The following VTCN1 variants were observed in gnomAD, a reference collection of about 807,000 sequenced individuals.
The protein encoded by VTCN1 is V-set domain containing T cell activation inhibitor 1.
VTCN1 carries 26 observed loss-of-function variants against 26.5 expected under a neutral mutation model. That is an observed-to-expected ratio of 0.98 (90% CI 0.72 to 1.36). The LOEUF (loss-of-function observed/expected upper bound fraction) is 1.36. Among genes scored for constraint, VTCN1 ranks in the 40% most tolerant of loss-of-function variants. The pLI, the probability that VTCN1 is intolerant of heterozygous loss-of-function variation, is 0.00. For synonymous variants in VTCN1, 116 were observed against 130.7 expected (o/e 0.89, Z 0.77); for missense variants, 298 against 337.7 (o/e 0.88, Z 0.92).
At chr1:117,185,847 G>A (rs1472911613) in intron 1 of VTCN1, among the ~76,000 whole-genome samples, 1 of 152,008 alleles carries the variant, frequency 6.6e-6, no homozygotes, top group Non-Finnish European at 1.5e-5. Flanking sequence ...ACTTCAAGTT[G>A]TCCCACCTTT....
intron 1 of VTCN1, among the ~76,000 whole-genome samples, chr1:117,181,840 G>C (rs1005920679): frequency 6.6e-6 from 1 of 152,152 alleles, no homozygotes; most frequent in Non-Finnish European, 1.5e-5. Flanking sequence ...ATCAGTCAGC[G>C]TGGTCATCAG....
Position 117,146,813 on chromosome 1 carries a change from C to T in VTCN1, c.*45+800G>A, listed in dbSNP as rs954420356. 2.6e-5 allele frequency among the ~76,000 whole-genome samples: 4 copies of T among 152,068 alleles called. No individual in the cohort carries two copies. The highest frequency in any genetic ancestry group is 2.1e-4 in the South Asian group (1 of 4,822). On this transcript the variant is annotated intron_variant, in intron 5 of 5. Transcript: ENST00000369458. The surrounding 1 kb of genome is among the most constrained non-coding windows in gnomAD (Gnocchi z 4.2). The stretch of plus-strand genomic sequence containing the variant: ...GATGAAATCGTGTTTCAGAATACTT[C>T]GATTCTGGCACCGTGTTTCCTATCA...
intron 4 of VTCN1, among the ~76,000 whole-genome samples, chr1:117,148,837 G>A (rs1434996802): frequency 6.6e-6 from 1 of 152,126 alleles, no homozygotes; most frequent in East Asian, 1.9e-4. Flanking sequence ...GGCTACAGCC[G>A]AGACTCCCCA....
chr1:117,196,345 C>T (rs775120945), intron 1 of VTCN1, among the ~76,000 whole-genome samples: 1 of 150,314 alleles, frequency 6.7e-6, no homozygotes, highest in African/African-American at 2.4e-5. Flanking sequence ...AGTAGAAAGT[C>T]ATTTCCAAAA....
intron 1 of VTCN1, among the ~76,000 whole-genome samples, chr1:117,178,161 ACTC>A (rs951761764): frequency 4.0e-5 from 6 of 151,022 alleles, no homozygotes; most frequent in African/African-American, 7.3e-5. Flanking sequence ...CTGGTCTCAA[ACTC>A]CTAGCCTCAA....
intron 1 of VTCN1, among the ~76,000 whole-genome samples, chr1:117,186,439 G>C (rs903030124): frequency 3.3e-5 from 5 of 152,194 alleles, no homozygotes; most frequent in African/African-American, 1.2e-4. Flanking sequence ...CCCTTAACTG[G>C]TTACAGCTTC....
chr1:117,183,831 C>CT lies in VTCN1; in HGVS notation c.33-13661dup, dbSNP rs1647790724. Among the ~76,000 whole-genome samples, 1 of 152,202 alleles carries CT rather than the reference C, an allele frequency of 6.6e-6. No individual in the cohort carries two copies. The highest frequency in any genetic ancestry group is 6.5e-5 in the Admixed American group (1 of 15,278). ...AAAACCACACACACATTTTTGGGTA[C>CT]TTCATTTTTGCCAGCAAGAAAAATG... On this transcript the variant is annotated intron_variant, in intron 1 of 5. Coordinates refer to ENST00000369458, the MANE Select transcript of VTCN1 (RefSeq NM_024626.4). The surrounding 1 kb of genome is among the most constrained non-coding windows in gnomAD (Gnocchi z 4.1).
At chr1:117,190,489 A>G (rs1648189927) in intron 1 of VTCN1, among the ~76,000 whole-genome samples, 1 of 152,160 alleles carries the variant, frequency 6.6e-6, no homozygotes. Flanking sequence ...CCTCCCACAG[A>G]GACTTGGCAG....
intron 1 of VTCN1, among the ~76,000 whole-genome samples, chr1:117,174,195 G>A (rs759969561): frequency 3.0e-4 from 45 of 152,156 alleles, no homozygotes; most frequent in Non-Finnish European, 4.9e-4. Context: ...GCAAAACTAT[G>A]TCTTCTAACC....
chr1:117,194,353 C>T (rs1362456558), intron 1 of VTCN1, among the ~76,000 whole-genome samples: 1 of 151,880 alleles, frequency 6.6e-6, no homozygotes, highest in African/African-American at 2.4e-5. Context: ...TGGCCCTTAT[C>T]AAAAAGACAA....
rs1182113292 is a variant in VTCN1 at position 117,146,636 on chromosome 1, G to C, written c.*45+977C>G. 6.6e-6 allele frequency among the ~76,000 whole-genome samples: 1 copy of C among 152,158 alleles called. No individual in the cohort carries two copies. Among genetic ancestry groups the C allele is most frequent in the East Asian group, 1.9e-4 (1 of 5,194 alleles). On this transcript the variant is annotated intron_variant, in intron 5 of 5. Transcript: ENST00000369458. The surrounding 1 kb of genome is among the most constrained non-coding windows in gnomAD (Gnocchi z 4.2). ...TTCCAGGAAAAGACAGTGAGGGAGG[G>C]AGCAAGACCAGAAAGTAATGGTAGT...
chr1:117,181,676 G>C (rs565644148), intron 1 of VTCN1, among the ~76,000 whole-genome samples: 2 of 152,318 alleles, frequency 1.3e-5, no homozygotes, highest in South Asian at 4.1e-4. Flanking sequence ...GGCTGAACAT[G>C]TGTGAAGACA....
chr1:117,194,219 C>A (rs1648395851), intron 1 of VTCN1, among the ~76,000 whole-genome samples: 1 of 152,074 alleles, frequency 6.6e-6, no homozygotes, highest in South Asian at 2.1e-4. Flanking sequence ...GACTTGAATA[C>A]ACATTTTTTT....
chr1:117,195,687 C>G (rs1046997668), intron 1 of VTCN1, among the ~76,000 whole-genome samples: 14 of 152,092 alleles, frequency 9.2e-5, no homozygotes, highest in African/African-American at 3.4e-4. Flanking sequence ...TTGGTAGGAG[C>G]ATAAGTTGGT....
intron 1 of VTCN1, among the ~76,000 whole-genome samples, chr1:117,209,885 TCA>T (rs1325360956): frequency 1.3e-5 from 2 of 152,220 alleles, no homozygotes; most frequent in Non-Finnish European, 2.9e-5. Flanking sequence ...CGTAGTCTCT[TCA>T]CAAACTTTTC....
At chr1:117,168,004 GA>G (rs148148091) in intron 2 of VTCN1, among the ~76,000 whole-genome samples, 34 of 149,194 alleles carry the variant, frequency 2.3e-4, no homozygotes, top group African/African-American at 4.9e-4. Flanking sequence ...AAGAAAGAGA[GA>G]AAAAAAACCG....
intron 1 of VTCN1, among the ~76,000 whole-genome samples, chr1:117,205,768 T>C (rs762295978): frequency 6.6e-6 from 1 of 152,232 alleles, no homozygotes; most frequent in Non-Finnish European, 1.5e-5. Flanking sequence ...ATTGGCTGCC[T>C]AGGAGATATT....
At chr1:117,165,903 G>A (rs951443275) in intron 2 of VTCN1, among the ~76,000 whole-genome samples, 1 of 152,082 alleles carries the variant, frequency 6.6e-6, no homozygotes, top group African/African-American at 2.4e-5. Context: ...TCTGATAAAG[G>A]TTATAGTCCT....
chr1:117,199,102 C>G (rs1037079216), intron 1 of VTCN1, among the ~76,000 whole-genome samples: 1 of 152,100 alleles, frequency 6.6e-6, no homozygotes, highest in Non-Finnish European at 1.5e-5. Flanking sequence ...CTCCTCGTGG[C>G]TTCTATTCTT....
Sources: gnomAD v4.1 joint callset for allele counts (sites outside exome capture counted in the v4.1 genomes callset) on GRCh38, gnomAD v4.1.1 for gene constraint, Gnocchi (gnomAD v3.1) non-coding constraint, MANE v1.5 for transcripts, NCBI Gene and HGNC (gene_info 2026-07-23, HGNC 2026-07-21) for gene names.